CCSER1: variants seen among roughly 807,000 people sequenced by gnomAD.
The protein encoded by CCSER1 is serine-rich coiled-coil domain-containing protein 1.
In CCSER1, 41 loss-of-function variants were observed where a neutral mutation model predicts 82.0. The ratio of observed to expected loss-of-function variants is 0.50; its 90% CI spans 0.39 to 0.65. The LOEUF is 0.65. Among genes scored for constraint, CCSER1 ranks in the 30% least tolerant of loss-of-function variants. CCSER1 has a pLI of 0.00. For synonymous variants in CCSER1, 414 were observed against 383.9 expected, an observed-to-expected ratio of 1.08 and a Z score of -0.92; for missense variants, 1,119 against 1,064.2, an observed-to-expected ratio of 1.05 and a Z score of -0.72.
intron 10 of CCSER1, among the ~76,000 whole-genome samples, chr4:91,389,344 A>G (rs1359067131): frequency 1.3e-5 from 2 of 152,042 alleles, no homozygotes; most frequent in African/African-American, 4.8e-5. Context: ...TCTTTGTTCC[A>G]TTGTATTGCC....
At chr4:91,172,478 A>G (rs546103369) in intron 10 of CCSER1, among the ~76,000 whole-genome samples, 2 of 152,314 alleles carry the variant, frequency 1.3e-5, no homozygotes, top group South Asian at 4.1e-4. Flanking sequence ...GGTAGGTGAA[A>G]GGATGAAGAC....
rs920571773 is a variant in CCSER1 at position 91,507,421 on chromosome 4, T to TTTTA, written c.2218-91131_2218-91128dup. ...ATATGCTTTTGACCATTTGCATATC[T>TTTTA]TTTATTTATTTATTTATTTATTTTT... On this transcript the variant is annotated intron_variant, in intron 10 of 10. Coordinates refer to ENST00000509176, the MANE Select transcript of CCSER1 (RefSeq NM_001145065.2). Among the ~76,000 whole-genome samples, 9 of 152,054 alleles carry TTTTA rather than the reference T, an allele frequency of 5.9e-5. No homozygotes were observed. In the South Asian group the frequency reaches 6.2e-4, roughly 10 times the overall value.
intron 7 of CCSER1, among the ~76,000 whole-genome samples, chr4:90,770,524 T>C (rs1430380854): frequency 1.3e-5 from 2 of 152,242 alleles, no homozygotes; most frequent in Non-Finnish European, 2.9e-5. Flanking sequence ...ATCTTAATAT[T>C]GTGTTCAAAT....
At chr4:91,182,435 C>T (rs923074192) in intron 10 of CCSER1, among the ~76,000 whole-genome samples, 2 of 152,162 alleles carry the variant, frequency 1.3e-5, no homozygotes, top group Non-Finnish European at 2.9e-5. Context: ...GGCCTTTGGG[C>T]AGGCTCAAAA....
chr4:90,894,401 A>AAC (rs35157219), intron 8 of CCSER1, among the ~76,000 whole-genome samples: 4,775 of 152,160 alleles, frequency 0.031, 106 homozygotes, highest in African/African-American at 0.062. Context: ...TGAAAGCATC[A>AAC]ACATGAGCGC....
In CCSER1 at chr4:91,268,959, A is replaced by G. The variant is rs1581875727; in HGVS notation, c.2217+182965A>G. ...AGGCTTGGGCTCAGAGGCCTGACAA[A>G]TTATTCTTGAAATGAGGTCTGAAAT... On this transcript the variant is annotated intron_variant, in intron 10 of 10. Transcript: ENST00000509176. Among the ~76,000 whole-genome samples the G allele has an allele frequency of 3.9e-5, 6 of 152,304 alleles. 1 individual carries two copies. In the Middle Eastern group the frequency reaches 0.02, roughly 518 times the overall value.
chr4:90,449,185 T>C (rs1191888397), intron 4 of CCSER1, among the ~76,000 whole-genome samples: 1 of 152,202 alleles, frequency 6.6e-6, no homozygotes, highest in Non-Finnish European at 1.5e-5. Flanking sequence ...CATCCCAACG[T>C]CTGCCTAGCT....
intron 3 of CCSER1, among the ~76,000 whole-genome samples, chr4:90,327,418 T>C (rs1421313784): frequency 6.6e-6 from 1 of 152,210 alleles, no homozygotes; most frequent in Admixed American, 6.5e-5. Context: ...TGAGTTTCTT[T>C]CCCATCTCTT....
intron 10 of CCSER1, among the ~76,000 whole-genome samples, chr4:91,544,009 G>GT (rs941621627): frequency 5.3e-5 from 8 of 151,892 alleles, no homozygotes; most frequent in African/African-American, 1.2e-4. Flanking sequence ...TCTTTTTACT[G>GT]TTTTTTTCTC....
chr4:90,533,285 C>G (rs1012169871), intron 5 of CCSER1, among the ~76,000 whole-genome samples: 1 of 151,646 alleles, frequency 6.6e-6, no homozygotes, highest in Non-Finnish European at 1.5e-5. Flanking sequence ...TTAGTAGAGA[C>G]GGGGTTTCAC....
intron 1 of CCSER1, among the ~76,000 whole-genome samples, chr4:90,168,409 C>T (rs922891734): frequency 1.3e-5 from 2 of 151,926 alleles, no homozygotes; most frequent in Admixed American, 6.6e-5. Flanking sequence ...AAAAAATTTT[C>T]TCCCATTCTG....
At chr4:90,861,814 T>C (rs72663669) in intron 8 of CCSER1, among the ~76,000 whole-genome samples, 11,278 of 150,954 alleles carry the variant, frequency 0.075, 510 homozygotes, top group Admixed American at 0.13. Context: ...GATGAGAAAA[T>C]AGAGAAAATG....
chr4:91,258,451 T>A (rs1330676633), intron 10 of CCSER1, among the ~76,000 whole-genome samples: 1 of 152,090 alleles, frequency 6.6e-6, no homozygotes, highest in Non-Finnish European at 1.5e-5. Context: ...AACTCTTTTC[T>A]GCTTGACACA....
At chr4:90,609,363 A>G (rs1785154080) in intron 5 of CCSER1, among the ~76,000 whole-genome samples, 1 of 152,166 alleles carries the variant, frequency 6.6e-6, no homozygotes, top group South Asian at 2.1e-4. Context: ...AAGGAATCAT[A>G]TGTCAGTTGT....
chr4:90,397,623 A>G (rs1393212370), intron 3 of CCSER1, among the ~76,000 whole-genome samples: 1 of 152,168 alleles, frequency 6.6e-6, no homozygotes, highest in African/African-American at 2.4e-5. Flanking sequence ...TGCATCTTGC[A>G]GTATGTATCA....
At position 90,979,987 on chromosome 4, in the gene CCSER1, T is replaced by TA. The variant is rs564843610; in HGVS notation, c.2172+56549dup. 3.6e-3 allele frequency among the ~76,000 whole-genome samples: 464 copies of TA among 128,076 alleles called. 4 individuals carry two copies. Among genetic ancestry groups the TA allele is most frequent in the South Asian group, 0.03 (138 of 4,590 alleles). 84.0% of individuals were successfully genotyped at this position (128,076 alleles called of 152,430 possible). On this transcript the variant is annotated intron_variant, in intron 9 of 10. Coordinates refer to ENST00000509176, the MANE Select transcript of CCSER1 (RefSeq NM_001145065.2). ...TATGTTCAAGTGATGAAACTATAAC[T>TA]AAAAAAAAATAATAAACTGATACAG...
At chr4:91,156,342 A>G (rs188125139) in intron 10 of CCSER1, among the ~76,000 whole-genome samples, 1 of 151,832 alleles carries the variant, frequency 6.6e-6, no homozygotes, top group African/African-American at 2.4e-5. Context: ...CTATTACACC[A>G]TCATTTGCTC....
intron 10 of CCSER1, among the ~76,000 whole-genome samples, chr4:91,299,471 C>T (rs1213199944): frequency 1.3e-5 from 2 of 151,972 alleles, no homozygotes; most frequent in Non-Finnish European, 2.9e-5. Context: ...ATCATACTTA[C>T]ACTAATTTAT....
intron 8 of CCSER1, among the ~76,000 whole-genome samples, chr4:90,851,656 A>G (rs2149933784): frequency 6.6e-6 from 1 of 151,252 alleles, no homozygotes. Flanking sequence ...GAAGAGGTGT[A>G]CAGAATGTGC....
Sources: gnomAD v4.1 joint callset for allele counts (sites outside exome capture counted in the v4.1 genomes callset) on GRCh38, gnomAD v4.1.1 for gene constraint, MANE v1.5 for transcripts, NCBI Gene and HGNC (gene_info 2026-07-23, HGNC 2026-07-21) for gene names.